DGKB: variants seen among roughly 807,000 people sequenced by gnomAD.
The protein encoded by DGKB is 90 kDa diacylglycerol kinase.
DGKB carries 67 observed loss-of-function variants against 114.3 expected under a neutral mutation model. That is an observed-to-expected ratio of 0.59 (90% CI 0.48 to 0.72). The LOEUF (loss-of-function observed/expected upper bound fraction) is 0.72, where lower values mean the gene tolerates loss of function less well. DGKB is among the 30% of genes least tolerant of loss of function. The probability of loss-of-function intolerance (pLI) is 0.00; values close to 1 mark genes in which losing one functional copy is unlikely to be tolerated. For synonymous variants in DGKB, 398 were observed against 323.1 expected, an observed-to-expected ratio of 1.23 and a Z score of -2.49; for missense variants, 907 against 975.2, an observed-to-expected ratio of 0.93 and a Z score of 0.93.
chr7:14,948,151 T>A (rs1457381511), intron 1 of DGKB, among the ~76,000 whole-genome samples: 1 of 151,836 alleles, frequency 6.6e-6, no homozygotes, highest in South Asian at 2.1e-4. Flanking sequence ...GGAGCAAGAA[T>A]GTAACAAAGC....
chr7:14,966,333 A>G (rs17168560), intron 1 of DGKB, among the ~76,000 whole-genome samples: 12,361 of 152,154 alleles, frequency 0.081, 1,414 homozygotes, highest in East Asian at 0.59. Flanking sequence ...ATAATTTTTA[A>G]TGATTCAAGC....
Position 14,682,678 on chromosome 7 carries a change from G to A in DGKB, c.919-9C>T. ...CAGTAATGGTGCATGACCTAGAACA[G>A]AATGACAACATTGTGATAAGAGGAC... On this transcript the variant is annotated splice_polypyrimidine_tract_variant and intron_variant, in intron 11 of 25. Transcript: ENST00000402815. 6.2e-7 allele frequency: 1 copy of A among 1,610,992 alleles called. No homozygotes were observed. The highest frequency in any genetic ancestry group is 8.5e-7 in the Non-Finnish European group (1 of 1,177,360).
At chr7:14,974,206 T>C (rs1587487935) in intron 1 of DGKB, among the ~76,000 whole-genome samples, 1 of 152,020 alleles carries the variant, frequency 6.6e-6, no homozygotes, top group African/African-American at 2.4e-5. Context: ...CTGGCAGCTG[T>C]GCATTTGTAA....
Position 14,583,114 on chromosome 7 carries a change from G to A in DGKB, c.1457C>T (p.Pro486Leu), listed in dbSNP as rs1227512712. Residue 486 changes from proline to leucine, a missense_variant, in exon 18 of 26, where the codon CCT becomes CTT. Pro to Leu is a moderately conservative substitution (Grantham distance 98, BLOSUM62 -3). This residue lies in a region of DGKB where 814 missense variants were observed against 856.6 expected (regional missense o/e 0.95). Coordinates refer to ENST00000402815, the MANE Select transcript of DGKB (RefSeq NM_001350709.2). ...ACCACAGGCTAACACTCTGAAGTCA[G>A]GAACATCACGGAAAAAGTTTAACCT... ...MPGLNFFRDV[P>L]DFRVLACGGD... 2.5e-6 allele frequency: 4 copies of A among 1,611,572 alleles called. No individual in the cohort carries two copies. The highest frequency in any genetic ancestry group is 3.4e-6 in the Non-Finnish European group (4 of 1,178,836).
intron 21 of DGKB, among the ~76,000 whole-genome samples, chr7:14,442,206 C>T (rs1011085631): frequency 2.6e-5 from 4 of 151,930 alleles, no homozygotes; most frequent in Non-Finnish European, 1.5e-5. Context: ...GAATTTCCTT[C>T]ATGGGTTTTT....
chr7:14,379,888 TCTCCCAAA>T, intron 21 of DGKB, among the ~76,000 whole-genome samples: 2 of 32,114 alleles, frequency 6.2e-5, no homozygotes, highest in East Asian at 1.8e-3. Flanking sequence ...CAATAATTCC[TCTCCCAAA>T]GTGTTGGGAT....
chr7:14,182,378 T>A (rs1323575135), intron 23 of DGKB, among the ~76,000 whole-genome samples: 2 of 152,058 alleles, frequency 1.3e-5, no homozygotes, highest in Non-Finnish European at 2.9e-5. Context: ...TAATCTAATT[T>A]TTCATAGAAA....
chr7:14,766,853 G>A (rs958498920), intron 2 of DGKB, among the ~76,000 whole-genome samples: 8 of 151,720 alleles, frequency 5.3e-5, no homozygotes. Flanking sequence ...GAAAAATAAT[G>A]TATCCCAAAA....
intron 21 of DGKB, among the ~76,000 whole-genome samples, chr7:14,463,735 T>C (rs1445726666): frequency 6.6e-6 from 1 of 152,216 alleles, no homozygotes. Context: ...GAGCAAGTTA[T>C]ACTTCTGAAT....
chr7:14,523,281 G>C (rs541547209), intron 20 of DGKB, among the ~76,000 whole-genome samples: 5 of 152,084 alleles, frequency 3.3e-5, no homozygotes, highest in Admixed American at 6.6e-5. Context: ...TTTGAAGAAG[G>C]CATCATGGAG....
At chr7:14,162,739 T>C (rs1464005324) in intron 25 of DGKB, among the ~76,000 whole-genome samples, 2 of 152,198 alleles carry the variant, frequency 1.3e-5, no homozygotes, top group Non-Finnish European at 2.9e-5. Flanking sequence ...AAAATGTAAG[T>C]TTAATTGTAA....
chr7:14,665,972 T>C (rs1817949994), intron 13 of DGKB, among the ~76,000 whole-genome samples: 7 of 151,970 alleles, frequency 4.6e-5, no homozygotes, highest in Admixed American at 3.9e-4. Context: ...TTCAAAAGTA[T>C]GGACTTAAGC....
chr7:14,914,843 GAA>G (rs35626148), intron 1 of DGKB, among the ~76,000 whole-genome samples: 2 of 148,954 alleles, frequency 1.3e-5, no homozygotes, highest in African/African-American at 2.4e-5. Context: ...CTAGAAATTA[GAA>G]AAAAAAAACA....
chr7:14,919,794 A>G (rs1270035132), intron 1 of DGKB, among the ~76,000 whole-genome samples: 1 of 152,132 alleles, frequency 6.6e-6, no homozygotes, highest in African/African-American at 2.4e-5. Context: ...ATGATGAGTG[A>G]GTTCTCACTC....
At chr7:14,580,999 A>G (rs1799849755) in intron 18 of DGKB, 48 bp from the exon 19 acceptor site, 2 of 1,338,654 alleles carry the variant, frequency 1.5e-6, no homozygotes, top group East Asian at 2.4e-5. Context: ...AAGTTCAGAT[A>G]AAACGACGGA....
At chr7:14,778,355 T>TC (rs1838532173) in intron 2 of DGKB, among the ~76,000 whole-genome samples, 1 of 151,930 alleles carries the variant, frequency 6.6e-6, no homozygotes, top group Non-Finnish European at 1.5e-5. Context: ...CCTGTTTTCT[T>TC]GTTTTTTTTT....
At chr7:14,892,924 ATATC>A (rs545214974) in intron 1 of DGKB, among the ~76,000 whole-genome samples, 8 of 150,434 alleles carry the variant, frequency 5.3e-5, no homozygotes, top group Non-Finnish European at 1.2e-4. Context: ...ACGCATATAC[ATATC>A]TATGTGTATA....
chr7:14,356,340 G>T (rs1417278159), intron 21 of DGKB, among the ~76,000 whole-genome samples: 13 of 136,628 alleles, frequency 9.5e-5, no homozygotes, highest in African/African-American at 3.5e-4. Flanking sequence ...GTTTGCTCTT[G>T]CTTCTCTAGT....
intron 1 of DGKB, among the ~76,000 whole-genome samples, chr7:14,925,076 T>C (rs2128248598): frequency 6.6e-6 from 1 of 152,348 alleles, no homozygotes; most frequent in Middle Eastern, 3.4e-3. Flanking sequence ...CTCTATAGAT[T>C]CACTCAAGTT....
Sources: allele counts gnomAD v4.1 joint callset (sites outside exome capture counted in the v4.1 genomes callset), GRCh38; gene constraint gnomAD v4.1.1; regional missense constraint gnomAD v4.1.1; transcripts MANE v1.5; gene names NCBI Gene and HGNC (gene_info 2026-07-23, HGNC 2026-07-21).